DNAH11: variants seen among roughly 807,000 people sequenced by gnomAD.
DNAH11 encodes axonemal beta dynein heavy chain 11.
A neutral mutation model predicts 526.0 loss-of-function variants in DNAH11; 442 were observed. That is an observed-to-expected ratio of 0.84 (90% CI 0.78 to 0.91). The LOEUF is 0.91. DNAH11 is among the 40% of genes least tolerant of loss of function. DNAH11 has a pLI of 0.00. For synonymous variants in DNAH11, 2,461 were observed against 1,935.9 expected (o/e 1.27, Z -7.12); for missense variants, 6,989 against 5,448.7 (o/e 1.28, Z -8.90).
chr7:21,769,012 T>C (rs1332095361), intron 55 of DNAH11, among the ~76,000 whole-genome samples: 4 of 152,278 alleles, frequency 2.6e-5, no homozygotes, highest in African/African-American at 9.6e-5. Flanking sequence ...AAAAGAAATA[T>C]AAATTAGGAT....
chr7:21,586,865 A>G (rs748357026), intron 9 of DNAH11, among the ~76,000 whole-genome samples: 1 of 152,236 alleles, frequency 6.6e-6, no homozygotes, highest in Non-Finnish European at 1.5e-5. Flanking sequence ...ATAACTTTCA[A>G]TGGCGTATTA....
At position 21,600,862 on chromosome 7, in the gene DNAH11, G is replaced by A. The variant is rs749025035; in HGVS notation, c.3187G>A (p.Glu1063Lys). The A allele has an allele frequency of 6.2e-7, 1 of 1,613,938 alleles. No homozygotes were observed. ...LLYGHAVSSD[E>K]MDAHANEEIP... ...GTATGGCCATGCTGTGTCTTCCGAT[G>A]AAATGGATGCTCATGCAAATGAAGA... The change falls in exon 16 of 82, where the codon GAA becomes AAA. Residue 1063 changes from glutamate to lysine, a missense_variant. Physicochemically the swap from Glu to Lys is moderately conservative, Grantham distance 56. Transcript: ENST00000409508.
chr7:21,887,311 A>G (rs922997644), intron 76 of DNAH11, among the ~76,000 whole-genome samples: 9 of 152,228 alleles, frequency 5.9e-5, no homozygotes, highest in Non-Finnish European at 1.3e-4. Context: ...GGCCAAAGTC[A>G]AGAAAGAAAA....
chr7:21,587,238 A>G (rs11765753), intron 9 of DNAH11, among the ~76,000 whole-genome samples: 26,929 of 152,124 alleles, frequency 0.18, 2,496 homozygotes, highest in African/African-American at 0.22. Context: ...CTTTGTGAAC[A>G]CCGGCAGTGA....
At chr7:21,871,495 C>T (rs1035412432) in intron 73 of DNAH11, among the ~76,000 whole-genome samples, 3 of 152,154 alleles carry the variant, frequency 2.0e-5, no homozygotes, top group East Asian at 1.9e-4. Flanking sequence ...AAAGTCACTA[C>T]CTAGAATATT....
intron 34 of DNAH11, 130 bp downstream of exon 34, chr7:21,687,657 T>G (rs1783439305): frequency 3.4e-6 from 4 of 1,173,926 alleles, no homozygotes; most frequent in Non-Finnish European, 3.5e-6. Flanking sequence ...TCTGGTCGAT[T>G]TGGGGGAATT....
chr7:21,891,324 C>T (rs535226385), intron 76 of DNAH11, among the ~76,000 whole-genome samples: 3 of 152,090 alleles, frequency 2.0e-5, no homozygotes, highest in African/African-American at 4.8e-5. Context: ...TAGCTACATT[C>T]GATGATAGTT....
chr7:21,715,873 C>G (rs896317804), intron 42 of DNAH11, among the ~76,000 whole-genome samples: 1 of 146,968 alleles, frequency 6.8e-6, no homozygotes, highest in Admixed American at 6.8e-5. Context: ...CCCACCCCCA[C>G]TTTTTTTCTC....
intron 49 of DNAH11, among the ~76,000 whole-genome samples, chr7:21,742,852 A>G (rs934962407): frequency 1.3e-5 from 2 of 152,186 alleles, no homozygotes; most frequent in African/African-American, 4.8e-5. Context: ...AGATTGGGTA[A>G]TTCATAAATA....
rs1354816391 is a variant in DNAH11 at position 21,847,735 on chromosome 7, C to A, written c.10897-4732C>A. ...TATATCCTTGCTGATTTTTTGCCTG[C>A]TGGATCTGTCAATTATGATATAAGG... On this transcript the variant is annotated intron_variant, in intron 66 of 81. Coordinates refer to ENST00000409508, the MANE Select transcript of DNAH11 (RefSeq NM_001277115.2). Among the ~76,000 whole-genome samples the A allele has an allele frequency of 3.3e-5, 5 of 152,150 alleles. No homozygotes were observed. In the East Asian group the frequency reaches 7.7e-4, roughly 23 times the overall value.
At chr7:21,683,662 G>A (rs900879028) in intron 31 of DNAH11, 122 bp from the exon 32 acceptor site, 45 of 1,076,970 alleles carry the variant, frequency 4.2e-5, no homozygotes, top group African/African-American at 8.0e-5. Context: ...TTGCAATAGC[G>A]TGCAAGAGAT....
At position 21,816,574 on chromosome 7, in the gene DNAH11, C is replaced by A; in HGVS notation, c.10440C>A (p.Thr3480=). Residue 3480 remains threonine, a synonymous_variant, in exon 64 of 82, where the codon ACC becomes ACA. Coordinates refer to ENST00000409508, the MANE Select transcript of DNAH11 (RefSeq NM_001277115.2). Reference sequence around the variant, plus strand: ...GACTGCCCAGTGACAGAATGTCCACCGAAAATGCCGCTATCCTAACACACT... The same window carrying A: ...GACTGCCCAGTGACAGAATGTCCACAGAAAATGCCGCTATCCTAACACACT... ...NEGLPSDRMS[T]ENAAILTHCE... is the part of the protein sequence containing the mutation. 6.2e-7 allele frequency: 1 copy of A among 1,613,372 alleles called. No homozygotes were observed.
Position 21,901,342 on chromosome 7 carries a change from A to ACTG in DNAH11, c.*88_*89insCTG. 7.2e-7 allele frequency: 1 copy of ACTG among 1,392,654 alleles called. No homozygotes were observed. Among genetic ancestry groups the ACTG allele is most frequent in the South Asian group, 2.0e-5 (1 of 48,878 alleles). 86.3% of individuals were successfully genotyped at this position (1,392,654 alleles called of 1,614,324 possible). A position where few individuals can be genotyped will look rare whatever the true frequency, so the allele number is the denominator to read the frequency against. On this transcript the variant is annotated 3_prime_UTR_variant, in exon 82 of 82. Transcript: ENST00000409508. ...GCACTGTTCCCATGCACATTATTCT[A>ACTG]ACTTTTTAGTAACTCACACGTGCAT...
rs137860860 is a variant in DNAH11 at position 21,714,201 on chromosome 7, A to G, written c.6983+2341A>G. 2.0e-5 allele frequency among the ~76,000 whole-genome samples: 3 copies of G among 152,330 alleles called. No individual in the cohort carries two copies. In the East Asian group the frequency reaches 5.8e-4, roughly 29 times the overall value. On this transcript the variant is annotated intron_variant, in intron 42 of 81. Coordinates refer to ENST00000409508, the MANE Select transcript of DNAH11 (RefSeq NM_001277115.2). Reference sequence around the variant, plus strand: ...ACATCAAAGGTCACGGGTTGGCTAAAGAGACACCCAATTTATATTCCTAAG... The same window carrying G: ...ACATCAAAGGTCACGGGTTGGCTAAGGAGACACCCAATTTATATTCCTAAG...
At chr7:21,658,129 A>AT (rs1236718687) in intron 29 of DNAH11, among the ~76,000 whole-genome samples, 2 of 152,190 alleles carry the variant, frequency 1.3e-5, no homozygotes, top group Admixed American at 1.3e-4. Context: ...GCTAAGTTGT[A>AT]TTTTTGGGCG....
chr7:21,644,524 G>A (rs1787263522), intron 28 of DNAH11, among the ~76,000 whole-genome samples: 1 of 152,184 alleles, frequency 6.6e-6, no homozygotes, highest in Non-Finnish European at 1.5e-5. Context: ...CCTAAAGGAA[G>A]TAGAAAGCTG....
In DNAH11 at chr7:21,559,744, A is replaced by G. The variant is rs758504634; in HGVS notation, c.834A>G (p.Leu278=). The change falls in exon 4 of 82, where the codon CTA becomes CTG. Residue 278 remains leucine (L), a synonymous_variant. Coordinates refer to ENST00000409508, the MANE Select transcript of DNAH11 (RefSeq NM_001277115.2). ...NGLHLSPQAE[L]DFWMMRRENL... is the part of the protein sequence containing the mutation. ...TTCACTTGTCTCCTCAAGCAGAACT[A>G]GATTTCTGGATGATGAGGAGAGAAA... 1 of 1,608,558 alleles carries G rather than the reference A, an allele frequency of 6.2e-7. No individual in the cohort carries two copies. The highest frequency in any genetic ancestry group is 1.7e-5 in the Admixed American group (1 of 59,324).
intron 64 of DNAH11, among the ~76,000 whole-genome samples, chr7:21,817,953 T>C (rs1180846899): frequency 1.3e-5 from 2 of 152,200 alleles, no homozygotes; most frequent in Non-Finnish European, 2.9e-5. Flanking sequence ...CTACAGTTGC[T>C]ATTACAAGCA....
intron 58 of DNAH11, among the ~76,000 whole-genome samples, chr7:21,786,016 C>A (rs1252841871): frequency 6.6e-6 from 1 of 152,126 alleles, no homozygotes; most frequent in Non-Finnish European, 1.5e-5. Flanking sequence ...AAAGTGTTTG[C>A]CCTGATACAT....
Sources: gnomAD v4.1 joint callset for allele counts (sites outside exome capture counted in the v4.1 genomes callset) on GRCh38, gnomAD v4.1.1 for gene constraint, MANE v1.5 for transcripts, NCBI Gene and HGNC (gene_info 2026-07-23, HGNC 2026-07-21) for gene names.